SLC8A1: variants seen among roughly 807,000 people sequenced by gnomAD.
The protein encoded by SLC8A1 is solute carrier family 8 member A1.
In SLC8A1, 18 loss-of-function variants were observed where a neutral mutation model predicts 68.3. The ratio of observed to expected loss-of-function variants is 0.26; its 90% CI spans 0.18 to 0.39. The LOEUF is 0.39. SLC8A1 is among the 10% of genes least tolerant of loss of function. The probability of loss-of-function intolerance (pLI) is 1.00; values close to 1 mark genes in which losing one functional copy is unlikely to be tolerated. For synonymous variants in SLC8A1, 475 were observed against 415.5 expected, an observed-to-expected ratio of 1.14 and a Z score of -1.74; for missense variants, 985 against 1,156.7, an observed-to-expected ratio of 0.85 and a Z score of 2.15.
chr2:40,170,134 C>T, intron 4 of SLC8A1, 147 bp downstream of exon 7: 1 of 693,038 alleles, frequency 1.4e-6, no homozygotes. Flanking sequence ...TGTTGTAATC[C>T]ACCGTACCAC....
exon 8 of SLC8A1, chr2:40,112,480 T>C (rs1387466564): frequency 1.3e-5 from 2 of 152,660 alleles, no homozygotes; most frequent in African/African-American, 4.8e-5. Flanking sequence ...GCTTTCAAAT[T>C]GAAATCGACC....
At chr2:40,418,990 G>A (rs977920279) in intron 2 of SLC8A1, among the ~76,000 whole-genome samples, 1 of 152,188 alleles carries the variant, frequency 6.6e-6, no homozygotes, top group Non-Finnish European at 1.5e-5. Flanking sequence ...CTGAGAGAAG[G>A]AGGCCAAAGA....
At chr2:40,434,382 A>G (rs1314010783) in intron 1 of SLC8A1, among the ~76,000 whole-genome samples, 5 of 152,196 alleles carry the variant, frequency 3.3e-5, no homozygotes, top group Non-Finnish European at 1.5e-5. Context: ...TCAAATGCCC[A>G]CGAAGATGTG....
At chr2:40,289,783 C>T (rs1159827662) in intron 2 of SLC8A1, among the ~76,000 whole-genome samples, 2 of 151,936 alleles carry the variant, frequency 1.3e-5, no homozygotes, top group East Asian at 3.9e-4. Flanking sequence ...ATTGCTTGAA[C>T]TTAGGAGGTG....
At chr2:40,236,345 C>G (rs924338284) in intron 2 of SLC8A1, among the ~76,000 whole-genome samples, 2 of 152,092 alleles carry the variant, frequency 1.3e-5, no homozygotes, top group African/African-American at 4.8e-5. Context: ...ATCTCTTTAC[C>G]ATTATGTAAT....
chr2:40,465,528 G>A (rs1703619865), intron 1 of SLC8A1, among the ~76,000 whole-genome samples: 1 of 152,102 alleles, frequency 6.6e-6, no homozygotes, highest in Non-Finnish European at 1.5e-5. Flanking sequence ...AATGGAACAA[G>A]CATCTGATTA....
chr2:40,290,272 G>A lies in SLC8A1; in HGVS notation c.1809-112417C>T, dbSNP rs116695748. Among the ~76,000 whole-genome samples, 176 of 152,032 alleles carry A rather than the reference G, an allele frequency of 1.2e-3. 1 individual carries two copies. The highest frequency in any genetic ancestry group is 4.1e-3 in the African/African-American group (172 of 41,452). Reference sequence around the variant, plus strand: ...TAACTGCAGCTGAAAAAAAAAAAAGGTTTCTTTGTTTCTTTGTTTTTATCT... The same window carrying A: ...TAACTGCAGCTGAAAAAAAAAAAAGATTTCTTTGTTTCTTTGTTTTTATCT... On this transcript the variant is annotated intron_variant, in intron 2 of 7. Transcript: ENST00000406785.
intron 4 of SLC8A1, among the ~76,000 whole-genome samples, chr2:40,174,240 G>T (rs995504327): frequency 2.6e-5 from 4 of 152,008 alleles, no homozygotes; most frequent in Non-Finnish European, 5.9e-5. Context: ...CATAATTTAT[G>T]AATTAAAATT....
At chr2:40,381,942 G>A (rs567928162) in intron 2 of SLC8A1, among the ~76,000 whole-genome samples, 7 of 151,894 alleles carry the variant, frequency 4.6e-5, no homozygotes, top group Admixed American at 2.6e-4. Context: ...CTACAAACCC[G>A]ATTTTAGTCA....
intron 7 of SLC8A1, among the ~76,000 whole-genome samples, chr2:40,121,732 G>A (rs566397566): frequency 6.6e-6 from 1 of 152,292 alleles, no homozygotes; most frequent in African/African-American, 2.4e-5. Flanking sequence ...TAATACAACA[G>A]AGCCAGATCC....
At chr2:40,326,959 G>A (rs2075895067) in intron 2 of SLC8A1, among the ~76,000 whole-genome samples, 1 of 152,116 alleles carries the variant, frequency 6.6e-6, no homozygotes, top group South Asian at 2.1e-4. Context: ...AATCTTCCAA[G>A]CTCACTGTAC....
At chr2:40,397,583 C>T (rs906244928) in intron 2 of SLC8A1, among the ~76,000 whole-genome samples, 9 of 152,114 alleles carry the variant, frequency 5.9e-5, no homozygotes, top group Non-Finnish European at 8.8e-5. Context: ...ATACATTTGC[C>T]GAGCCTGACC....
intron 1 of SLC8A1, among the ~76,000 whole-genome samples, chr2:40,471,349 G>GA (rs1181088072): frequency 1.3e-5 from 2 of 151,814 alleles, no homozygotes; most frequent in African/African-American, 4.8e-5. Context: ...TTTCTACCTT[G>GA]AAAGTCCTAC....
chr2:40,388,701 A>AT (rs1684369696), intron 2 of SLC8A1, among the ~76,000 whole-genome samples: 1 of 152,208 alleles, frequency 6.6e-6, no homozygotes, highest in Non-Finnish European at 1.5e-5. Context: ...CAAATCAAAT[A>AT]ACGCAAAGTG....
chr2:40,409,834 C>T (rs1032806537), intron 2 of SLC8A1, among the ~76,000 whole-genome samples: 2 of 152,106 alleles, frequency 1.3e-5, no homozygotes, highest in African/African-American at 2.4e-5. Context: ...TCCCCTTGAT[C>T]CTGCTTTGCC....
At chr2:40,382,894 A>C (rs969356108) in intron 2 of SLC8A1, among the ~76,000 whole-genome samples, 1 of 152,038 alleles carries the variant, frequency 6.6e-6, no homozygotes, top group African/African-American at 2.4e-5. Context: ...TTCTATTATA[A>C]TTATGTCTTT....
intron 7 of SLC8A1, among the ~76,000 whole-genome samples, chr2:40,137,754 T>C (rs1300138377): frequency 1.3e-5 from 2 of 152,066 alleles, no homozygotes; most frequent in Non-Finnish European, 2.9e-5. Context: ...TCTGTAAGGA[T>C]CGATGGTCAA....
chr2:40,145,701 T>C (rs138007351), intron 6 of SLC8A1, among the ~76,000 whole-genome samples: 1 of 152,350 alleles, frequency 6.6e-6, no homozygotes, highest in African/African-American at 2.4e-5. Flanking sequence ...GGTGATTCAA[T>C]TGATACATTT....
intron 2 of SLC8A1, among the ~76,000 whole-genome samples, chr2:40,258,946 A>C (rs1489911836): frequency 6.6e-6 from 1 of 152,044 alleles, no homozygotes; most frequent in Non-Finnish European, 1.5e-5. Context: ...AAAAAAAAGG[A>C]AATACTTTTC....
Sources: allele counts gnomAD v4.1 joint callset (sites outside exome capture counted in the v4.1 genomes callset), GRCh38; gene constraint gnomAD v4.1.1; transcripts MANE v1.5; gene names NCBI Gene and HGNC (gene_info 2026-07-23, HGNC 2026-07-21).